The following MEGF6 variants were observed in gnomAD, a reference collection of about 807,000 sequenced individuals.
MEGF6 encodes multiple EGF like domains 6.
A neutral mutation model predicts 207.1 loss-of-function variants in MEGF6; 184 were observed. The ratio of observed to expected loss-of-function variants is 0.89; its 90% confidence interval spans 0.79 to 1.00. The LOEUF is 1.00. MEGF6 is among the 50% of genes least tolerant of loss of function. The probability of loss-of-function intolerance (pLI) is 0.00; values close to 1 mark genes in which losing one functional copy is unlikely to be tolerated. For missense variants in MEGF6, 2,282 were observed against 2,202.9 expected (o/e 1.04, Z -0.72); for synonymous variants, 1,038 against 910.0 (o/e 1.14, Z -2.53).
chr1:3,619,184 GCTGCCAC>G, the MEGF6 span, among the ~76,000 whole-genome samples: 1 of 152,220 alleles, frequency 6.6e-6, no homozygotes. Context: ...CATGGGTGAT[GCTGCCAC>G]CTGCTGACAG....
intron 4 of MEGF6, among the ~76,000 whole-genome samples, chr1:3,546,242 T>C (rs1642700400): frequency 6.6e-6 from 1 of 152,218 alleles, no homozygotes; most frequent in African/African-American, 2.4e-5. Context: ...CAGTGGGTTT[T>C]CCTTCTGTCT....
chr1:3,509,799 G>A (rs1319489857), intron 11 of MEGF6, 71 bp downstream of exon 11: 38 of 1,471,980 alleles, frequency 2.6e-5, no homozygotes, highest in Middle Eastern at 2.5e-4. Flanking sequence ...CCAGGCCTGC[G>A]GGACGCAGGG....
rs79241523 is a variant in MEGF6, at chr1:3,565,927, T to C, written c.481+13898A>G. On this transcript the variant is annotated intron_variant, in intron 4 of 36. Transcript: ENST00000356575. This position sits in a 1 kb window ranked among gnomAD's most constrained non-coding sequence, Gnocchi z 4.8. ...AGTGGGGATCCAGCTTCCTCCTCCC[T>C]GAGACCTCAGGGTCAGCTGCTATAG... is the stretch of plus-strand genomic sequence containing the variant. Among the ~76,000 whole-genome samples the C allele has an allele frequency of 4.3e-3, 660 of 152,270 alleles. 14 individuals are homozygous for C. In the East Asian group the frequency reaches 0.048, roughly 11 times the overall value.
At chr1:3,598,407 G>A (rs1243279562) in intron 2 of MEGF6, among the ~76,000 whole-genome samples, 1 of 152,234 alleles carries the variant, frequency 6.6e-6, no homozygotes, top group Non-Finnish European at 1.5e-5. Flanking sequence ...CGTCTTGGCA[G>A]GACATGAAAC....
At chr1:3,531,504 GC>G (rs996367271) in intron 4 of MEGF6, 4 of 1,051,568 alleles carry the variant, frequency 3.8e-6, no homozygotes, top group Admixed American at 5.5e-5. Flanking sequence ...CGAGGGAGCC[GC>G]CCCCGGCCCC....
At chr1:3,621,891 CT>C in the MEGF6 span, among the ~76,000 whole-genome samples, 958 of 152,310 alleles carry the variant, frequency 6.3e-3, 8 homozygotes, top group African/African-American at 0.022. Context: ...TTGCATGGGG[CT>C]TTTAGCCCCT....
At chr1:3,501,676 TCA>T in intron 18 of MEGF6, 118 bp downstream of exon 18, 1 of 1,374,144 alleles carries the variant, frequency 7.3e-7, no homozygotes, top group Non-Finnish European at 9.7e-7. Context: ...CTGTGAGCTC[TCA>T]CACCTGCTAT....
At chr1:3,530,566 G>A (rs1276278005) in intron 4 of MEGF6, among the ~76,000 whole-genome samples, 1 of 152,200 alleles carries the variant, frequency 6.6e-6, no homozygotes, top group Non-Finnish European at 1.5e-5. Flanking sequence ...AGGACGGAAC[G>A]AGAGCAGGGC....
At chr1:3,509,288 G>A in intron 11 of MEGF6, 43 bp from the exon 12 acceptor site, 8 of 1,384,948 alleles carry the variant, frequency 5.8e-6, no homozygotes, top group Non-Finnish European at 7.5e-6. Context: ...CCACCCACCT[G>A]CCTGCTCCAG....
At chr1:3,491,163 C>G (rs921246945) in intron 35 of MEGF6, among the ~76,000 whole-genome samples, 1 of 151,932 alleles carries the variant, frequency 6.6e-6, no homozygotes, top group Non-Finnish European at 1.5e-5. Context: ...CATAGGAAAG[C>G]TCTCAGCCCC....
At chr1:3,528,743 G>C (rs1642049518) in intron 4 of MEGF6, among the ~76,000 whole-genome samples, 1 of 152,138 alleles carries the variant, frequency 6.6e-6, no homozygotes, top group Admixed American at 6.5e-5. Flanking sequence ...ACAAGACCAG[G>C]AATGCAGGCG....
chr1:3,595,173 G>A (rs576960801), intron 3 of MEGF6, among the ~76,000 whole-genome samples, 165 bp downstream of exon 3: 2 of 152,342 alleles, frequency 1.3e-5, no homozygotes, highest in East Asian at 1.9e-4. Flanking sequence ...CGCTGACGTC[G>A]CTTTTGCAGC....
intron 4 of MEGF6, among the ~76,000 whole-genome samples, chr1:3,543,386 G>A (rs893927507): frequency 1.3e-5 from 2 of 152,214 alleles, no homozygotes; most frequent in African/African-American, 2.4e-5. Flanking sequence ...CTCGGCTGCC[G>A]GCACCCCCTG....
intron 4 of MEGF6, among the ~76,000 whole-genome samples, chr1:3,548,728 G>A (rs1469258291): frequency 6.6e-6 from 1 of 152,148 alleles, no homozygotes; most frequent in Admixed American, 6.5e-5. Flanking sequence ...TGCTGGCACA[G>A]CTGGGTCCCC....
intron 17 of MEGF6, 31 bp from the exon 18 acceptor site, chr1:3,501,952 G>A (rs373654270): frequency 3.1e-5 from 46 of 1,476,420 alleles, no homozygotes; most frequent in African/African-American, 7.8e-5. Flanking sequence ...GGCCTTAGCC[G>A]CACCACGTGG....
At chr1:3,607,466 G>A (rs954707409) in intron 1 of MEGF6, among the ~76,000 whole-genome samples, 1 of 152,204 alleles carries the variant, frequency 6.6e-6, no homozygotes, top group African/African-American at 2.4e-5. Flanking sequence ...CAGCCTTCAA[G>A]GAGGGGGTGA....
chr1:3,511,991 C>G lies in MEGF6; in HGVS notation c.976+15G>C. On this transcript the variant is annotated intron_variant, in intron 8 of 36. Coordinates refer to ENST00000356575, the MANE Select transcript of MEGF6 (RefSeq NM_001409.4). ...ATCCCGGGCACCTTCAGCCTGTTGC[C>G]GGCTGCCCACTCACGGTAGCACTGC... 2 of 1,611,696 alleles carry G rather than the reference C, an allele frequency of 1.2e-6. No individual in the cohort carries two copies. Among genetic ancestry groups the G allele is most frequent in the South Asian group, 2.2e-5 (2 of 91,022 alleles).
intron 4 of MEGF6, among the ~76,000 whole-genome samples, chr1:3,529,686 G>A (rs2794319): frequency 0.077 from 11,664 of 152,268 alleles, 615 homozygotes; most frequent in South Asian, 0.14. Context: ...CTGGGAGGTG[G>A]AGGAGCCTCA....
intron 4 of MEGF6, among the ~76,000 whole-genome samples, chr1:3,550,563 G>T (rs886629881): frequency 6.6e-6 from 1 of 152,208 alleles, no homozygotes; most frequent in Non-Finnish European, 1.5e-5. Flanking sequence ...AGAGAAAAAC[G>T]TCATCCCAAG....
Sources: allele counts gnomAD v4.1 joint callset (sites outside exome capture counted in the v4.1 genomes callset), GRCh38; gene constraint gnomAD v4.1.1; non-coding constraint Gnocchi (gnomAD v3.1); transcripts MANE v1.5; gene names NCBI Gene and HGNC (gene_info 2026-07-23, HGNC 2026-07-21).